The following NT5DC1 variants were observed in gnomAD, a reference collection of about 807,000 sequenced individuals.
NT5DC1 encodes the protein 5'-nucleotidase domain containing 1.
Under a neutral mutation model 59.4 loss-of-function variants are expected in NT5DC1, and 42 were observed. The ratio of observed to expected loss-of-function variants is 0.71; its 90% CI spans 0.55 to 0.92. The LOEUF (loss-of-function observed/expected upper bound fraction) is 0.92. Ranked by LOEUF, NT5DC1 falls within the 40% of genes least tolerant of loss-of-function variation. The pLI is 0.00. For missense variants in NT5DC1, 501 were observed against 537.1 expected (o/e 0.93, Z 0.66); for synonymous variants, 172 against 188.1 (o/e 0.91, Z 0.70).
At chr6:116,214,843 C>G (rs1232769383) in intron 6 of NT5DC1, among the ~76,000 whole-genome samples, 1 of 151,818 alleles carries the variant, frequency 6.6e-6, no homozygotes, top group Non-Finnish European at 1.5e-5. Flanking sequence ...AGTTATCTGG[C>G]TGGACATCAC....
intron 11 of NT5DC1, 68 bp from the exon 12 acceptor site, chr6:116,243,841 A>G (rs1771784921): frequency 1.6e-6 from 1 of 624,940 alleles, no homozygotes; most frequent in African/African-American, 1.9e-5. Context: ...GTGAATATCA[A>G]GTTTTGATTT....
intron 6 of NT5DC1, among the ~76,000 whole-genome samples, chr6:116,190,008 C>T (rs997776139): frequency 2.0e-5 from 3 of 151,960 alleles, no homozygotes; most frequent in Admixed American, 6.6e-5. Context: ...ATGGAAAGTA[C>T]AGTGGCTCAG....
At chr6:116,241,363 A>C (rs1173457584) in intron 11 of NT5DC1, among the ~76,000 whole-genome samples, 1 of 152,130 alleles carries the variant, frequency 6.6e-6, no homozygotes, top group Non-Finnish European at 1.5e-5. Context: ...ATAAAAATTA[A>C]AGTCCCATGG....
intron 6 of NT5DC1, among the ~76,000 whole-genome samples, chr6:116,196,569 T>A (rs1315071575): frequency 6.6e-6 from 1 of 152,082 alleles, no homozygotes; most frequent in Non-Finnish European, 1.5e-5. Flanking sequence ...TATTTGGATG[T>A]TATTTTATCA....
chr6:116,156,268 A>G (rs1420118355), intron 6 of NT5DC1, among the ~76,000 whole-genome samples: 1 of 152,026 alleles, frequency 6.6e-6, no homozygotes, highest in Non-Finnish European at 1.5e-5. Flanking sequence ...CCATTTCTCT[A>G]ATTTTCCGGC....
At chr6:116,190,183 C>T (rs916349876) in intron 6 of NT5DC1, among the ~76,000 whole-genome samples, 1 of 151,878 alleles carries the variant, frequency 6.6e-6, no homozygotes, top group African/African-American at 2.4e-5. Flanking sequence ...TGTTCATTTT[C>T]TCCTCTTCCC....
rs1299759911 is a variant in NT5DC1 at position 116,247,621 on chromosome 6, T to TCACA, written c.*3597_*3598insCACA. 4 of 152,218 alleles carry TCACA rather than the reference T, an allele frequency of 2.6e-5. No homozygotes were observed. Among genetic ancestry groups the TCACA allele is most frequent in the Non-Finnish European group, 4.4e-5 (3 of 68,032 alleles). 9.4% of individuals were successfully genotyped at this position (152,218 alleles called of 1,614,324 possible). A position where few individuals can be genotyped will look rare whatever the true frequency, so the allele number is the denominator to read the frequency against. On this transcript the variant is annotated 3_prime_UTR_variant, in exon 12 of 12. Transcript: ENST00000319550. Reference sequence around the variant, plus strand: ...ATAGACTGCTTGCCAATCAGTTTGTTGTACCATGTACCTGTTCACAGACTC... The same window carrying TCACA: ...ATAGACTGCTTGCCAATCAGTTTGTTCACAGTACCATGTACCTGTTCACAGACTC...
At chr6:116,131,765 A>G (rs958630091) in intron 6 of NT5DC1, among the ~76,000 whole-genome samples, 25 of 152,216 alleles carry the variant, frequency 1.6e-4, no homozygotes, top group Non-Finnish European at 3.2e-4. Context: ...AGTTTATTTC[A>G]TCACCCAGGT....
intron 6 of NT5DC1, among the ~76,000 whole-genome samples, chr6:116,163,136 A>AT (rs1354873185): frequency 0.12 from 13,420 of 115,386 alleles, 918 homozygotes; most frequent in East Asian, 0.25. Context: ...CAAAAAAAAA[A>AT]AAAAAATATA....
chr6:116,156,044 A>G (rs1780185168), intron 6 of NT5DC1, among the ~76,000 whole-genome samples: 1 of 152,218 alleles, frequency 6.6e-6, no homozygotes, highest in South Asian at 2.1e-4. Context: ...AAACATTATG[A>G]TAGTCACAAA....
intron 6 of NT5DC1, among the ~76,000 whole-genome samples, chr6:116,127,349 C>A (rs567538782): frequency 2.7e-4 from 41 of 152,128 alleles, no homozygotes; most frequent in African/African-American, 9.9e-4. Context: ...CATCTCATTG[C>A]CTCTCTCCTC....
intron 6 of NT5DC1, among the ~76,000 whole-genome samples, chr6:116,178,090 C>CGTGTGT (rs1432111511): frequency 1.9e-5 from 2 of 103,522 alleles, no homozygotes; most frequent in Non-Finnish European, 3.7e-5. Context: ...TGTGTGTGTG[C>CGTGTGT]GCGCGCGCGC....
Position 116,110,925 on chromosome 6 carries a change from C to G in NT5DC1, c.333C>G (p.Phe111Leu). Residue 111 changes from phenylalanine (F) to leucine (L), a missense_variant, in exon 4 of 12, where the codon TTC (phenylalanine) becomes TTG (leucine). Physicochemically the swap from Phe to Leu is conservative, Grantham distance 22 (BLOSUM62 0). Transcript: ENST00000319550. ...ATGGCAAGAAAGAGTGGAAGCACTT[C>G]TTGTCGGACACTGGAATGGCTTGCC... Reference protein sequence around the residue: ...EAYGKKEWKHFLSDTGMACRS... With the variant: ...EAYGKKEWKHLLSDTGMACRS... 14 of 1,613,550 alleles carry G rather than the reference C, an allele frequency of 8.7e-6. No homozygotes were observed. Among genetic ancestry groups the G allele is most frequent in the Non-Finnish European group, 1.2e-5 (14 of 1,179,468 alleles).
At chr6:116,156,921 C>T (rs1240899878) in intron 6 of NT5DC1, among the ~76,000 whole-genome samples, 2 of 152,112 alleles carry the variant, frequency 1.3e-5, no homozygotes, top group South Asian at 2.1e-4. Context: ...TGTAAGTAGC[C>T]CCTGGTGCAT....
chr6:116,223,116 C>G lies in NT5DC1; in HGVS notation c.787C>G (p.Pro263Ala). 8 of 1,581,482 alleles carry G rather than the reference C, an allele frequency of 5.1e-6. No individual in the cohort carries two copies. Among genetic ancestry groups the G allele is most frequent in the Non-Finnish European group, 6.9e-6 (8 of 1,151,468 alleles). Residue 263 changes from proline (P) to alanine (A), a missense_variant, in exon 8 of 12, where the codon CCT becomes GCT. Transcript: ENST00000319550. ...GFFSHLPSQR[P>A]FRTLENDEEQ... ...CTTCTCCCACTTACCAAGTCAGAGA[C>G]CTTTCCGGACACTCGGTAAGTTACA...
At chr6:116,127,749 G>A (rs917399395) in intron 6 of NT5DC1, among the ~76,000 whole-genome samples, 2 of 152,092 alleles carry the variant, frequency 1.3e-5, no homozygotes, top group African/African-American at 4.8e-5. Context: ...TGATACACAT[G>A]CACACACATA....
chr6:116,183,622 T>A (rs1780932545), intron 6 of NT5DC1, among the ~76,000 whole-genome samples: 1 of 151,978 alleles, frequency 6.6e-6, no homozygotes, highest in Non-Finnish European at 1.5e-5. Flanking sequence ...TGGTTAAGTA[T>A]ACTCCTAAGT....
At chr6:116,179,837 A>T (rs1780835906) in intron 6 of NT5DC1, among the ~76,000 whole-genome samples, 1 of 152,096 alleles carries the variant, frequency 6.6e-6, no homozygotes, top group Non-Finnish European at 1.5e-5. Flanking sequence ...GCACAAGAAT[A>T]TACATAATGC....
chr6:116,241,674 A>G (rs1771716898), intron 11 of NT5DC1, among the ~76,000 whole-genome samples: 1 of 152,212 alleles, frequency 6.6e-6, no homozygotes, highest in Non-Finnish European at 1.5e-5. Context: ...CTGTAATCCC[A>G]GCACTTTGGG....
Sources: allele counts gnomAD v4.1 joint callset (sites outside exome capture counted in the v4.1 genomes callset), GRCh38; gene constraint gnomAD v4.1.1; transcripts MANE v1.5; gene names NCBI Gene and HGNC (gene_info 2026-07-23, HGNC 2026-07-21).